The following PGR variants were observed in gnomAD, a reference collection of about 807,000 sequenced individuals.
PGR encodes progesterone receptor.
Under a neutral mutation model 76.1 loss-of-function variants are expected in PGR, and 25 were observed. The ratio of observed to expected loss-of-function variants is 0.33; its 90% CI spans 0.24 to 0.46. The LOEUF is 0.46. PGR is among the 20% of genes least tolerant of loss of function. PGR has a pLI of 1.00. For synonymous variants in PGR, 579 were observed against 535.0 expected, an observed-to-expected ratio of 1.08 and a Z score of -1.14; for missense variants, 1,172 against 1,225.3, an observed-to-expected ratio of 0.96 and a Z score of 0.65.
At chr11:101,120,699 AG>A (rs1862645290) in intron 2 of PGR, among the ~76,000 whole-genome samples, 1 of 152,204 alleles carries the variant, frequency 6.6e-6, no homozygotes, top group Non-Finnish European at 1.5e-5. Flanking sequence ...GGAAAAACTG[AG>A]GTAGAGGTAT....
In PGR at chr11:101,076,021, A is replaced by G. The variant is rs145366079; in HGVS notation, c.1907-13269T>C. On this transcript the variant is annotated intron_variant, in intron 3 of 7. Transcript: ENST00000325455. ...GTACCATAAAGACACATGCACACGT[A>G]TGTTTACTGCAGCACTATTCACAAT... Among the ~76,000 whole-genome samples, 1,016 of 152,290 alleles carry G rather than the reference A, an allele frequency of 6.7e-3. 14 individuals carry two copies. Among genetic ancestry groups the G allele is most frequent in the African/African-American group, 0.023 (953 of 41,550 alleles).
In PGR at chr11:101,038,184, C is replaced by T. The variant is rs1205934194; in HGVS notation, c.*932G>A. The T allele has an allele frequency of 5.2e-6, 1 of 191,988 alleles. No homozygotes were observed. The highest frequency in any genetic ancestry group is 8.3e-5 in the East Asian group (1 of 12,014). The allele number at this position is 191,988 out of a possible 1,614,324, so 11.9% of individuals were successfully genotyped here. A position where few individuals can be genotyped will look rare whatever the true frequency, so the allele number is the denominator to read the frequency against. Reference sequence around the variant, plus strand: ...GAATTGATACCTCCCTCCTCCTCCTCTCCCTTTCTTCTTTCCTTTGATTTG... The same window carrying T: ...GAATTGATACCTCCCTCCTCCTCCTTTCCCTTTCTTCTTTCCTTTGATTTG... On this transcript the variant is annotated 3_prime_UTR_variant, in exon 8 of 8. Transcript: ENST00000325455.
At chr11:101,082,599 G>A (rs1415583191) in intron 3 of PGR, among the ~76,000 whole-genome samples, 1 of 152,178 alleles carries the variant, frequency 6.6e-6, no homozygotes, top group Non-Finnish European at 1.5e-5. Flanking sequence ...CTCTTGCTAT[G>A]CTTTAGCAAA....
chr11:101,091,505 C>A (rs753181918), intron 3 of PGR, among the ~76,000 whole-genome samples: 1 of 152,172 alleles, frequency 6.6e-6, no homozygotes, highest in Non-Finnish European at 1.5e-5. Flanking sequence ...GTACATTGCC[C>A]ATTACCTCTA....
intron 2 of PGR, among the ~76,000 whole-genome samples, chr11:101,123,155 C>T (rs1386151446): frequency 1.3e-5 from 2 of 152,148 alleles, no homozygotes; most frequent in African/African-American, 4.8e-5. Context: ...TTAGTTTCCT[C>T]ATTTGTAAAG....
At chr11:101,087,502 G>A (rs1240609058) in intron 3 of PGR, among the ~76,000 whole-genome samples, 1 of 152,118 alleles carries the variant, frequency 6.6e-6, no homozygotes, top group African/African-American at 2.4e-5. Flanking sequence ...TAGGAAATAT[G>A]ATTCTGGATA....
At chr11:101,104,716 C>A (rs1400871078) in intron 2 of PGR, among the ~76,000 whole-genome samples, 1 of 152,188 alleles carries the variant, frequency 6.6e-6, no homozygotes, top group African/African-American at 2.4e-5. Flanking sequence ...TTCCTTATGA[C>A]ACTCAGTCTT....
chr11:101,097,136 T>C lies in PGR; in HGVS notation c.1790-5260A>G, dbSNP rs111782631. On this transcript the variant is annotated intron_variant, in intron 2 of 7. Coordinates refer to ENST00000325455, the MANE Select transcript of PGR (RefSeq NM_000926.4). ...TCTTTCTCCTTGCAAAACTGATCTATTTTAGGGTGGGGAAAGCAGGGGGTG... is the reference window on the plus strand; with the variant it reads ...TCTTTCTCCTTGCAAAACTGATCTACTTTAGGGTGGGGAAAGCAGGGGGTG... Among the ~76,000 whole-genome samples the C allele has an allele frequency of 5.8e-3, 878 of 152,268 alleles. 12 individuals carry two copies. Among genetic ancestry groups the C allele is most frequent in the African/African-American group, 0.02 (821 of 41,544 alleles).
intron 3 of PGR, among the ~76,000 whole-genome samples, chr11:101,076,390 A>C (rs1861129728): frequency 6.6e-6 from 1 of 152,158 alleles, no homozygotes; most frequent in South Asian, 2.1e-4. Flanking sequence ...GGGTGCAGCA[A>C]AACATCATGG....
chr11:101,063,751 T>G (rs1412450897), intron 3 of PGR: 1 of 152,176 alleles, frequency 6.6e-6, no homozygotes, highest in Non-Finnish European at 1.5e-5. Context: ...CATAGATACA[T>G]TTTGTTTGGC....
At chr11:101,048,846 GT>G (rs1285147858) in intron 6 of PGR, among the ~76,000 whole-genome samples, 1 of 151,850 alleles carries the variant, frequency 6.6e-6, no homozygotes, top group Non-Finnish European at 1.5e-5. Context: ...ATAAACTCTA[GT>G]TTTTTAACTT....
chr11:101,070,262 A>T (rs186366600), intron 3 of PGR, among the ~76,000 whole-genome samples: 403 of 152,256 alleles, frequency 2.6e-3, no homozygotes, highest in African/African-American at 6.7e-3. Flanking sequence ...GCCGTGAGTG[A>T]CTGTGCTGTA....
chr11:101,042,954 T>G (rs1005445011), intron 6 of PGR, among the ~76,000 whole-genome samples: 21 of 152,142 alleles, frequency 1.4e-4, no homozygotes, highest in Admixed American at 2.0e-4. Flanking sequence ...TTGGAGGGTG[T>G]TGTCTAAATG....
At chr11:101,107,865 T>TAAAA (rs56355097) in intron 2 of PGR, among the ~76,000 whole-genome samples, 8 of 119,290 alleles carry the variant, frequency 6.7e-5, no homozygotes, top group African/African-American at 9.9e-5. Flanking sequence ...ACTGGCTTTG[T>TAAAA]AAAAAAAAAA....
Position 101,127,541 on chromosome 11 carries a change from C to CGCGGGGGCCGCCCCG in PGR, c.1515_1529dup (p.Gly506_Ala510dup), listed in dbSNP as rs762618531. The CGCGGGGGCCGCCCCG allele has an allele frequency of 7.0e-7, 1 of 1,423,664 alleles. No homozygotes were observed. Among genetic ancestry groups the CGCGGGGGCCGCCCCG allele is most frequent in the South Asian group, 1.5e-5 (1 of 66,222 alleles). The allele number at this position is 1,423,664 out of a possible 1,614,324, so 88.2% of individuals were successfully genotyped here. On this transcript the variant is annotated inframe_insertion, in exon 1 of 8. Transcript: ENST00000325455. ...CGTTGAGGCCGAGTGCAGGGTAGAG[C>CGCGGGGGCCGCCCCG]GCGGGGGCCGCCCCGGCGGCGGCGG...
chr11:101,106,897 G>GC (rs1862179826), intron 2 of PGR, among the ~76,000 whole-genome samples: 1 of 152,174 alleles, frequency 6.6e-6, no homozygotes, highest in Non-Finnish European at 1.5e-5. Flanking sequence ...AAAAAAGAAT[G>GC]AGTTCATGTT....
intron 2 of PGR, among the ~76,000 whole-genome samples, chr11:101,121,643 A>G (rs988926817): frequency 1.6e-4 from 25 of 152,320 alleles, no homozygotes; most frequent in African/African-American, 5.8e-4. Flanking sequence ...CAAACATTGC[A>G]TAAACGAATC....
At chr11:101,086,969 A>G (rs1386889806) in intron 3 of PGR, among the ~76,000 whole-genome samples, 2 of 152,234 alleles carry the variant, frequency 1.3e-5, no homozygotes, top group Non-Finnish European at 2.9e-5. Flanking sequence ...TTCCATGTTC[A>G]TGGATTAGAA....
At chr11:101,111,829 T>C (rs182643071) in intron 2 of PGR, among the ~76,000 whole-genome samples, 308 of 152,320 alleles carry the variant, frequency 2.0e-3, no homozygotes, top group Admixed American at 3.9e-3. Context: ...TTGGGTGGTT[T>C]ATCCACAGTT....
Sources: allele counts gnomAD v4.1 joint callset (sites outside exome capture counted in the v4.1 genomes callset), GRCh38; gene constraint gnomAD v4.1.1; transcripts MANE v1.5; gene names NCBI Gene and HGNC (gene_info 2026-07-23, HGNC 2026-07-21).